The following INPP5D variants were observed in gnomAD, a reference collection of about 807,000 sequenced individuals.
INPP5D encodes phosphatidylinositol 3,4,5-trisphosphate 5-phosphatase 1.
INPP5D carries 33 observed loss-of-function variants against 122.9 expected under a neutral mutation model. The observed-to-expected ratio is 0.27, with a 90% CI of 0.20 to 0.36. INPP5D has a LOEUF of 0.36. INPP5D is among the 10% of genes least tolerant of loss of function. The pLI, the probability that INPP5D is intolerant of heterozygous loss-of-function variation, is 1.00. For missense variants in INPP5D, 1,053 were observed against 1,412.7 expected, an observed-to-expected ratio of 0.75 and a Z score of 4.08; for synonymous variants, 584 against 576.2, an observed-to-expected ratio of 1.01 and a Z score of -0.19.
intron 5 of INPP5D, among the ~76,000 whole-genome samples, chr2:233,137,985 G>A (rs62192870): frequency 0.31 from 33,442 of 107,378 alleles, 6,558 homozygotes; most frequent in Non-Finnish European, 0.41. Flanking sequence ...AGATTATATT[G>A]TATTAATAAT....
At chr2:233,187,828 C>T (rs1013410703) in intron 21 of INPP5D, among the ~76,000 whole-genome samples, 7 of 152,162 alleles carry the variant, frequency 4.6e-5, no homozygotes, top group Admixed American at 2.6e-4. Flanking sequence ...TCCTGCTCCT[C>T]CTCCCTGGCT....
chr2:233,126,162 C>T lies in INPP5D; in HGVS notation c.524+243C>T, dbSNP rs181573526. ...CCACGGGGGTGGGGGAGCACTCCGT[C>T]TCCAGGCACGGCCCGGCATAGTGTG... On this transcript the variant is annotated intron_variant, in intron 4 of 26. Transcript: ENST00000445964. 5.7e-3 allele frequency among the ~76,000 whole-genome samples: 869 copies of T among 152,386 alleles called. 2 individuals are homozygous for T. The highest frequency in any genetic ancestry group is 9.0e-3 in the Non-Finnish European group (609 of 68,038).
intron 6 of INPP5D, among the ~76,000 whole-genome samples, chr2:233,144,233 AT>A: frequency 6.7e-6 from 1 of 148,212 alleles, no homozygotes; most frequent in Non-Finnish European, 1.5e-5. Flanking sequence ...AGTGATGGTG[AT>A]GGTGATGGTG....
chr2:233,163,697 G>A lies in INPP5D; in HGVS notation c.1241-10G>A. 1 of 1,613,570 alleles carries A rather than the reference G, an allele frequency of 6.2e-7. No individual in the cohort carries two copies. Among genetic ancestry groups the A allele is most frequent in the Non-Finnish European group, 8.5e-7 (1 of 1,179,772 alleles). On this transcript the variant is annotated splice_polypyrimidine_tract_variant and intron_variant, in intron 11 of 26. Transcript: ENST00000445964. ...TTTGACTCACTTGGTGTTGGGTTTT[G>A]CTGTTGAAGGTAACGCCCCCCCTCC...
At chr2:233,198,478 T>G in intron 25 of INPP5D, 102 bp downstream of exon 25, 8 of 1,460,164 alleles carry the variant, frequency 5.5e-6, no homozygotes, top group Non-Finnish European at 7.2e-6. Context: ...GGCCACAATT[T>G]GTGTCCACTT....
chr2:233,101,789 T>C (rs965000287), intron 2 of INPP5D, among the ~76,000 whole-genome samples: 1 of 137,004 alleles, frequency 7.3e-6, no homozygotes, highest in Non-Finnish European at 1.5e-5. Context: ...AATTACATTA[T>C]ATTATATTAA....
intron 17 of INPP5D, among the ~76,000 whole-genome samples, chr2:233,172,149 G>A (rs1473415612): frequency 1.3e-5 from 2 of 152,268 alleles, no homozygotes; most frequent in Non-Finnish European, 2.9e-5. Context: ...AGGGTCCACT[G>A]CCTGCTGTGT....
chr2:233,092,378 T>G (rs561585712), intron 2 of INPP5D, among the ~76,000 whole-genome samples: 26 of 150,990 alleles, frequency 1.7e-4, no homozygotes, highest in African/African-American at 5.6e-4. Context: ...GATATGTAAT[T>G]AAGGATAAAA....
intron 6 of INPP5D, among the ~76,000 whole-genome samples, chr2:233,142,995 CT>C (rs1693662440): frequency 6.6e-6 from 1 of 152,164 alleles, no homozygotes; most frequent in Admixed American, 6.5e-5. Context: ...CAAATGTCCC[CT>C]GGAGGGCAAA....
intron 2 of INPP5D, among the ~76,000 whole-genome samples, chr2:233,098,891 G>A (rs1490369774): frequency 6.6e-6 from 1 of 152,016 alleles, no homozygotes; most frequent in Non-Finnish European, 1.5e-5. Context: ...AAATGCCATC[G>A]TCTTTTTCAC....
chr2:233,170,844 T>G lies in INPP5D; in HGVS notation c.1901-220T>G, dbSNP rs1386842801. Among the ~76,000 whole-genome samples the G allele has an allele frequency of 6.7e-6, 1 of 148,802 alleles. No homozygotes were observed. Among genetic ancestry groups the G allele is most frequent in the African/African-American group, 2.5e-5 (1 of 39,890 alleles). On this transcript the variant is annotated intron_variant, in intron 16 of 26. Transcript: ENST00000445964. This position sits in a 1 kb window ranked among gnomAD's most constrained non-coding sequence, Gnocchi z 4.5. ...TGGTGTGAACCAGGGAGGCAGAGCT[T>G]GCAGTGAGCCAAGATCGCGCCACTG...
intron 9 of INPP5D, among the ~76,000 whole-genome samples, chr2:233,149,723 C>T (rs1458393453): frequency 6.6e-6 from 1 of 152,168 alleles, no homozygotes; most frequent in Non-Finnish European, 1.5e-5. Flanking sequence ...TCTTGAGTCC[C>T]AGGTCAGCCA....
At chr2:233,185,492 A>T (rs1694887932) in intron 20 of INPP5D, among the ~76,000 whole-genome samples, 1 of 152,118 alleles carries the variant, frequency 6.6e-6, no homozygotes, top group Admixed American at 6.5e-5. Flanking sequence ...AAAGGCTGCT[A>T]TCTTGAGTGG....
intron 25 of INPP5D, among the ~76,000 whole-genome samples, chr2:233,200,333 C>T (rs991817682): frequency 7.2e-5 from 11 of 152,226 alleles, no homozygotes; most frequent in Admixed American, 2.0e-4. Context: ...GACAGACAGA[C>T]GTGAAAGTGC....
At chr2:233,075,489 T>C (rs1691495301) in intron 1 of INPP5D, among the ~76,000 whole-genome samples, 1 of 146,632 alleles carries the variant, frequency 6.8e-6, no homozygotes, top group African/African-American at 2.4e-5. Context: ...GCTTTAAACA[T>C]TTTGCATGCA....
At chr2:233,168,633 A>G (rs1036270195) in intron 13 of INPP5D, among the ~76,000 whole-genome samples, 2 of 152,250 alleles carry the variant, frequency 1.3e-5, no homozygotes, top group South Asian at 2.1e-4. Context: ...GAATGACAAA[A>G]GATGGTTTTT....
chr2:233,178,639 C>G (rs188137238), intron 18 of INPP5D, among the ~76,000 whole-genome samples: 2 of 152,052 alleles, frequency 1.3e-5, no homozygotes, highest in African/African-American at 2.4e-5. Flanking sequence ...CGCAGCACCA[C>G]GCCTGGCTAA....
intron 17 of INPP5D, among the ~76,000 whole-genome samples, chr2:233,173,144 AGTT>A (rs1427521352): frequency 6.6e-6 from 1 of 150,684 alleles, no homozygotes; most frequent in African/African-American, 2.4e-5. Context: ...GGGAGATGGA[AGTT>A]GCAGTGAGCC....
chr2:233,118,882 AC>A (rs1353059739), intron 2 of INPP5D, among the ~76,000 whole-genome samples: 1 of 152,174 alleles, frequency 6.6e-6, no homozygotes, highest in Non-Finnish European at 1.5e-5. Flanking sequence ...CTTCCTGGGA[AC>A]CCGGGCAGCC....
Sources: allele counts gnomAD v4.1 joint callset (sites outside exome capture counted in the v4.1 genomes callset), GRCh38; gene constraint gnomAD v4.1.1; non-coding constraint Gnocchi (gnomAD v3.1); transcripts MANE v1.5; gene names NCBI Gene and HGNC (gene_info 2026-07-23, HGNC 2026-07-21).